The following ISM1 variants were observed in gnomAD, a reference collection of about 807,000 sequenced individuals.
The protein encoded by ISM1 is isthmin 1.
ISM1 carries 25 observed loss-of-function variants against 46.3 expected under a neutral mutation model. The ratio of observed to expected loss-of-function variants is 0.54; its 90% CI spans 0.39 to 0.75. ISM1 has a LOEUF of 0.75. ISM1 is among the 30% of genes least tolerant of loss of function. The pLI is 0.00. For missense variants in ISM1, 536 were observed against 625.4 expected (o/e 0.86, Z 1.52); for synonymous variants, 255 against 256.7 (o/e 0.99, Z 0.06).
In ISM1 at chr20:13,279,857, C is replaced by CA. The variant is rs767577179; in HGVS notation, c.603dup (p.Gly202ArgfsTer6). ...CCCAGGGGGTGGGACCATACAGCCC[C>CA]AGGCCACCGGACTTTTGAAACCAAA... On this transcript the variant is annotated frameshift_variant, in exon 3 of 6. Transcript: ENST00000262487. LOFTEE classifies it high-confidence loss of function. The CA allele has an allele frequency of 1.2e-6, 2 of 1,613,882 alleles. No individual in the cohort carries two copies. The highest frequency in any genetic ancestry group is 2.7e-5 in the African/African-American group (2 of 74,930).
At chr20:13,257,948 CA>C (rs2039946024) in intron 1 of ISM1, among the ~76,000 whole-genome samples, 1 of 152,056 alleles carries the variant, frequency 6.6e-6, no homozygotes. Flanking sequence ...GTGAAAGGAG[CA>C]AGGATTTCAT....
intron 2 of ISM1, among the ~76,000 whole-genome samples, chr20:13,273,981 G>A (rs149155258): frequency 3.3e-3 from 504 of 152,138 alleles, no homozygotes; most frequent in African/African-American, 0.011. Flanking sequence ...TGTTAGTATT[G>A]GTCACTCAGA....
At chr20:13,251,564 G>A (rs1266035134) in intron 1 of ISM1, among the ~76,000 whole-genome samples, 1 of 152,200 alleles carries the variant, frequency 6.6e-6, no homozygotes, top group African/African-American at 2.4e-5. Context: ...AGAAAGTGAG[G>A]TGCAGGGAGC....
chr20:13,257,444 G>A (rs1203828737), intron 1 of ISM1, among the ~76,000 whole-genome samples: 2 of 152,148 alleles, frequency 1.3e-5, no homozygotes, highest in African/African-American at 4.8e-5. Flanking sequence ...TTGAACCTGG[G>A]AGGTGAAGGT....
At chr20:13,222,921 A>G (rs1032309002) in intron 1 of ISM1, among the ~76,000 whole-genome samples, 1 of 152,142 alleles carries the variant, frequency 6.6e-6, no homozygotes, top group African/African-American at 2.4e-5. Context: ...CCAGCACTTT[A>G]GCAGGCAGAG....
At chr20:13,234,605 C>T (rs1161022903) in intron 1 of ISM1, among the ~76,000 whole-genome samples, 1 of 152,186 alleles carries the variant, frequency 6.6e-6, no homozygotes. Flanking sequence ...GCCATGTCCT[C>T]GCCAACATAT....
chr20:13,316,523 G>A, the ISM1 span, among the ~76,000 whole-genome samples: 50 of 151,784 alleles, frequency 3.3e-4, no homozygotes, highest in South Asian at 7.5e-3. Flanking sequence ...ATGAATATTC[G>A]TGCAAAAATC....
the ISM1 span, among the ~76,000 whole-genome samples, chr20:13,318,136 A>AAAATAAATAAATAAATAAATAAAT: frequency 9.0e-3 from 1,308 of 145,118 alleles, 9 homozygotes; most frequent in Middle Eastern, 0.018. Context: ...GACACTTGAA[A>AAAATAAATAAATAAATAAATAAAT]AAATAAATAA....
At chr20:13,324,359 G>T in the ISM1 span, among the ~76,000 whole-genome samples, 1 of 152,202 alleles carries the variant, frequency 6.6e-6, no homozygotes, top group Non-Finnish European at 1.5e-5. Flanking sequence ...TAAATGTGAG[G>T]TGTGTTTTTT....
chr20:13,245,037 G>A (rs2123175141), intron 1 of ISM1, among the ~76,000 whole-genome samples: 1 of 152,274 alleles, frequency 6.6e-6, no homozygotes, highest in African/African-American at 2.4e-5. Flanking sequence ...GCACAACTTT[G>A]GACCATGAGT....
chr20:13,280,039 C>T (rs758797544), intron 3 of ISM1, 141 bp downstream of exon 3: 16 of 777,714 alleles, frequency 2.1e-5, no homozygotes, highest in Middle Eastern at 4.9e-4. Context: ...GGCTGTCTTC[C>T]GCAGAAGCCC....
At chr20:13,295,373 T>C (rs2040397165) in intron 5 of ISM1, among the ~76,000 whole-genome samples, 3 of 152,178 alleles carry the variant, frequency 2.0e-5, no homozygotes, top group African/African-American at 7.2e-5. Context: ...CTGAACAAGA[T>C]TGCCATGATC....
At position 13,281,645 on chromosome 20, in the gene ISM1, G is replaced by A. The variant is rs190031722; in HGVS notation, c.643+1747G>A. Among the ~76,000 whole-genome samples, 3 of 152,200 alleles carry A rather than the reference G, an allele frequency of 2.0e-5. No individual in the cohort carries two copies. The East Asian group carries it at 5.8e-4, about 29-fold the overall frequency. ...ACCACTATACAATTCTGCCTTTCTG[G>A]GGAAAAAAGTAGCACACCACTTAGG... On this transcript the variant is annotated intron_variant, in intron 3 of 5. Transcript: ENST00000262487.
intron 1 of ISM1, among the ~76,000 whole-genome samples, chr20:13,235,743 G>T (rs2039640752): frequency 6.6e-6 from 1 of 152,082 alleles, no homozygotes; most frequent in Non-Finnish European, 1.5e-5. Flanking sequence ...GTGCTACATG[G>T]TAGGAACTGT....
Position 13,251,161 on chromosome 20 carries a change from A to T in ISM1, c.139-19343A>T, listed in dbSNP as rs2039864158. 2.0e-5 allele frequency among the ~76,000 whole-genome samples: 3 copies of T among 152,030 alleles called. No individual in the cohort carries two copies. In the South Asian group the frequency reaches 6.2e-4, roughly 32 times the overall value. ...ATTTTTGGCCTGCAAAGCCCTGGGG[A>T]TTTCTTTCACCCAGTAGTTGAATGG... On this transcript the variant is annotated intron_variant, in intron 1 of 5. Transcript: ENST00000262487.
intron 2 of ISM1, among the ~76,000 whole-genome samples, chr20:13,274,691 C>T (rs1020163155): frequency 1.2e-4 from 18 of 151,286 alleles, no homozygotes; most frequent in African/African-American, 3.6e-4. Context: ...GCCCGGCCCC[C>T]GGGCCTCTTG....
intron 1 of ISM1, among the ~76,000 whole-genome samples, chr20:13,266,294 T>C (rs536481073): frequency 3.9e-5 from 6 of 152,346 alleles, no homozygotes; most frequent in Non-Finnish European, 8.8e-5. Context: ...AAGAAGAGGA[T>C]ATTTTTATTA....
intron 1 of ISM1, among the ~76,000 whole-genome samples, chr20:13,262,214 C>T (rs929838465): frequency 2.6e-5 from 4 of 152,174 alleles, no homozygotes; most frequent in Admixed American, 6.5e-5. Context: ...GGTGGCTGAA[C>T]TCTAACAGGG....
chr20:13,307,056 C>T, the ISM1 span, among the ~76,000 whole-genome samples: 1 of 152,176 alleles, frequency 6.6e-6, no homozygotes, highest in Non-Finnish European at 1.5e-5. Flanking sequence ...GCAGCTGATC[C>T]AGTGCCAGAA....
Sources: gnomAD v4.1 joint callset for allele counts (sites outside exome capture counted in the v4.1 genomes callset) on GRCh38, gnomAD v4.1.1 for gene constraint, MANE v1.5 for transcripts, NCBI Gene and HGNC (gene_info 2026-07-23, HGNC 2026-07-21) for gene names.